Variants in DNAH6 observed in about 807,000 individuals in gnomAD.
DNAH6 encodes the protein axonemal beta dynein heavy chain 6.
DNAH6 carries 340 observed loss-of-function variants against 491.4 expected under a neutral mutation model. The ratio of observed to expected loss-of-function variants is 0.69; its 90% CI spans 0.63 to 0.76. The LOEUF (loss-of-function observed/expected upper bound fraction) is 0.76. Ranked by LOEUF, DNAH6 falls within the 30% of genes least tolerant of loss-of-function variation. The pLI, the probability that DNAH6 is intolerant of heterozygous loss-of-function variation, is 0.00. For missense variants in DNAH6, 4,443 were observed against 4,972.2 expected (o/e 0.89, Z 3.20); for synonymous variants, 1,603 against 1,686.1 (o/e 0.95, Z 1.21).
At chr2:84,544,005 CA>C (rs1415993742) in intron 4 of DNAH6, among the ~76,000 whole-genome samples, 3 of 152,086 alleles carry the variant, frequency 2.0e-5, no homozygotes, top group African/African-American at 7.2e-5. Flanking sequence ...CTGAAATCAT[CA>C]AGCCAATATT....
At position 84,601,037 on chromosome 2, in the gene DNAH6, T is replaced by TAGTATAATAATA. The variant is rs1197903394; in HGVS notation, c.2869-3301_2869-3300insGTATAATAATAA. Among the ~76,000 whole-genome samples, 410 of 147,448 alleles carry TAGTATAATAATA rather than the reference T, an allele frequency of 2.8e-3. 9 individuals are homozygous for TAGTATAATAATA. The highest frequency in any genetic ancestry group is 9.3e-3 in the African/African-American group (376 of 40,488). On this transcript the variant is annotated intron_variant, in intron 18 of 76. Transcript: ENST00000389394. ...TATTATAATAATAATGTTATTATTA[T>TAGTATAATAATA]ACTATAATAATAATGTTATTATTAT...
intron 15 of DNAH6, 135 bp downstream of exon 15, chr2:84,584,385 AT>A (rs1434236901): frequency 4.5e-6 from 4 of 892,936 alleles, no homozygotes; most frequent in Non-Finnish European, 6.6e-6. Context: ...ATACGTATAC[AT>A]TGTGAAATTG....
chr2:84,498,594 C>T, the DNAH6 span, among the ~76,000 whole-genome samples: 5 of 152,266 alleles, frequency 3.3e-5, no homozygotes, highest in African/African-American at 1.2e-4. Flanking sequence ...CCAAAGGCCT[C>T]CTGCTTCTAA....
chr2:84,514,941 G>T (rs924212281), upstream of DNAH6, among the ~76,000 whole-genome samples: 1 of 150,050 alleles, frequency 6.7e-6, no homozygotes, highest in Non-Finnish European at 1.5e-5. Flanking sequence ...CATGGTAACA[G>T]TTGTGTACAA....
intron 63 of DNAH6, among the ~76,000 whole-genome samples, chr2:84,758,880 A>G (rs1199506841): frequency 6.6e-6 from 1 of 152,212 alleles, no homozygotes; most frequent in Non-Finnish European, 1.5e-5. Flanking sequence ...AAAATCTGGA[A>G]GAAAACAAGG....
At chr2:84,593,050 T>G (rs1684256109) in intron 16 of DNAH6, among the ~76,000 whole-genome samples, 1 of 152,166 alleles carries the variant, frequency 6.6e-6, no homozygotes, top group Non-Finnish European at 1.5e-5. Context: ...TTACTGTACT[T>G]TACACTTAAA....
chr2:84,533,325 T>C (rs1320676602), intron 4 of DNAH6, among the ~76,000 whole-genome samples: 1 of 152,248 alleles, frequency 6.6e-6, no homozygotes, highest in East Asian at 1.9e-4. Context: ...TCATGAAATA[T>C]GCAGGAAATG....
At chr2:84,538,806 A>G (rs79228884) in intron 4 of DNAH6, among the ~76,000 whole-genome samples, 3,591 of 152,158 alleles carry the variant, frequency 0.024, 56 homozygotes, top group Middle Eastern at 0.092. Context: ...GGTTGTTTCT[A>G]AACTTGTTAA....
At chr2:84,524,638 T>A (rs1398687253) in intron 2 of DNAH6, among the ~76,000 whole-genome samples, 1 of 152,102 alleles carries the variant, frequency 6.6e-6, no homozygotes, top group Non-Finnish European at 1.5e-5. Flanking sequence ...CTGGTGGTAA[T>A]GAAATCCCTC....
intron 4 of DNAH6, among the ~76,000 whole-genome samples, chr2:84,536,403 C>T (rs762750826): frequency 2.6e-5 from 4 of 152,020 alleles, no homozygotes; most frequent in Non-Finnish European, 5.9e-5. Flanking sequence ...AGCAAAAATT[C>T]AACTTGGGAA....
intron 39 of DNAH6, 69 bp downstream of exon 39, chr2:84,670,544 C>T: frequency 9.4e-7 from 1 of 1,065,348 alleles, no homozygotes; most frequent in Non-Finnish European, 1.4e-6. Flanking sequence ...ATAAATAGTG[C>T]ATGTAATAAA....
intron 20 of DNAH6, among the ~76,000 whole-genome samples, chr2:84,605,890 T>C (rs1263157078): frequency 1.3e-5 from 2 of 152,130 alleles, no homozygotes; most frequent in Non-Finnish European, 2.9e-5. Flanking sequence ...GCATTTTCCC[T>C]AGACCAGTCA....
chr2:84,563,822 G>A (rs1680903261), intron 11 of DNAH6, among the ~76,000 whole-genome samples: 1 of 152,114 alleles, frequency 6.6e-6, no homozygotes, highest in African/African-American at 2.4e-5. Context: ...GAATTTTATA[G>A]TTTGAGATTG....
intron 29 of DNAH6, among the ~76,000 whole-genome samples, chr2:84,629,392 A>G (rs757176541): frequency 5.3e-5 from 8 of 152,306 alleles, no homozygotes; most frequent in Non-Finnish European, 8.8e-5. Flanking sequence ...AGAGCTGCCT[A>G]TGCTCCACAT....
intron 40 of DNAH6, 91 bp downstream of exon 40, chr2:84,672,575 C>A: frequency 8.4e-7 from 1 of 1,196,556 alleles, no homozygotes; most frequent in Non-Finnish European, 1.2e-6. Context: ...TAACAAAGTA[C>A]CACAGATGGG....
intron 4 of DNAH6, among the ~76,000 whole-genome samples, chr2:84,535,048 AT>A (rs1442243733): frequency 2.0e-5 from 3 of 151,800 alleles, no homozygotes; most frequent in African/African-American, 4.8e-5. Flanking sequence ...ATTAATGTTT[AT>A]TTTTTTAATT....
intron 4 of DNAH6, among the ~76,000 whole-genome samples, chr2:84,540,316 C>A (rs1678122716): frequency 6.6e-6 from 1 of 152,034 alleles, no homozygotes; most frequent in Non-Finnish European, 1.5e-5. Context: ...GCCACAAATA[C>A]CTGGGAGAAT....
chr2:84,798,769 C>T (rs1678583915), intron 70 of DNAH6, among the ~76,000 whole-genome samples: 1 of 152,176 alleles, frequency 6.6e-6, no homozygotes, highest in Non-Finnish European at 1.5e-5. Context: ...ATTGGCAGCC[C>T]AGGAGTAGTT....
intron 33 of DNAH6, among the ~76,000 whole-genome samples, chr2:84,652,826 T>G (rs1298882599): frequency 6.6e-6 from 1 of 152,060 alleles, no homozygotes; most frequent in Non-Finnish European, 1.5e-5. Flanking sequence ...GATGCTAATT[T>G]TAATTATACA....
Sources: gnomAD v4.1 joint callset for allele counts (sites outside exome capture counted in the v4.1 genomes callset) on GRCh38, gnomAD v4.1.1 for gene constraint, MANE v1.5 for transcripts, NCBI Gene and HGNC (gene_info 2026-07-23, HGNC 2026-07-21) for gene names.